Variants in ENTREP2 observed in about 807,000 individuals in gnomAD.
ENTREP2 encodes the protein endosomal transmembrane epsin interactor 2, also known as protein ENTREP2.
chr15:29,456,968 T>C, the ENTREP2 span, among the ~76,000 whole-genome samples: 1 of 152,226 alleles, frequency 6.6e-6, no homozygotes, highest in African/African-American at 2.4e-5. Context: ...GGTCTGGTCT[T>C]CAAGAGAAAT....
chr15:29,469,134 G>A, the ENTREP2 span, among the ~76,000 whole-genome samples: 1 of 152,174 alleles, frequency 6.6e-6, no homozygotes, highest in Non-Finnish European at 1.5e-5. Flanking sequence ...AGGACATGGT[G>A]CTGAGGGAAA....
At chr15:29,589,294 A>G in the ENTREP2 span, among the ~76,000 whole-genome samples, 1 of 152,158 alleles carries the variant, frequency 6.6e-6, no homozygotes, top group Admixed American at 6.5e-5. Context: ...TCTTTCCATA[A>G]AAAGGTTTTT....
At chr15:29,591,167 A>T in the ENTREP2 span, among the ~76,000 whole-genome samples, 1 of 152,220 alleles carries the variant, frequency 6.6e-6, no homozygotes, top group Non-Finnish European at 1.5e-5. Context: ...CTTCTGGGAG[A>T]TGCTGTGGCA....
the ENTREP2 span, among the ~76,000 whole-genome samples, chr15:29,575,382 A>G: frequency 6.6e-6 from 1 of 152,202 alleles, no homozygotes; most frequent in African/African-American, 2.4e-5. Flanking sequence ...CATTTATGAA[A>G]GACCCACCAC....
At chr15:29,186,277 T>C in the ENTREP2 span, among the ~76,000 whole-genome samples, 10 of 152,200 alleles carry the variant, frequency 6.6e-5, no homozygotes, top group Non-Finnish European at 1.5e-4. Context: ...CTCTCTGTAG[T>C]TCCTTTTATC....
the ENTREP2 span, among the ~76,000 whole-genome samples, chr15:29,305,424 C>T: frequency 0.13 from 19,226 of 152,112 alleles, 1,635 homozygotes; most frequent in African/African-American, 0.24. Context: ...GCAGGAGTAG[C>T]GCCAGGGAGA....
the ENTREP2 span, among the ~76,000 whole-genome samples, chr15:29,157,123 C>A: frequency 1.3e-5 from 2 of 151,990 alleles, no homozygotes; most frequent in South Asian, 4.2e-4. Context: ...AAATAAAACA[C>A]CTGAAGTGGT....
At chr15:29,438,615 AC>A in the ENTREP2 span, among the ~76,000 whole-genome samples, 1 of 151,894 alleles carries the variant, frequency 6.6e-6, no homozygotes, top group Non-Finnish European at 1.5e-5. Context: ...CGGCCCCTGT[AC>A]CTGAATCCCC....
the ENTREP2 span, among the ~76,000 whole-genome samples, chr15:29,535,866 G>A: frequency 6.6e-6 from 1 of 151,954 alleles, no homozygotes; most frequent in African/African-American, 2.4e-5. Flanking sequence ...CTGACAGTGT[G>A]AGAACCACTG....
the ENTREP2 span, among the ~76,000 whole-genome samples, chr15:29,425,444 G>T: frequency 1.6e-4 from 25 of 152,290 alleles, no homozygotes; most frequent in East Asian, 4.8e-3. Flanking sequence ...CTTGGCCACT[G>T]CCAGATAGCT....
chr15:29,346,447 C>T, the ENTREP2 span, among the ~76,000 whole-genome samples: 4 of 151,702 alleles, frequency 2.6e-5, no homozygotes, highest in African/African-American at 7.3e-5. Flanking sequence ...TCAGCCCCAC[C>T]CCAAGACAGT....
chr15:29,251,471 C>T, the ENTREP2 span, among the ~76,000 whole-genome samples: 77,009 of 152,122 alleles, frequency 0.51, 20,989 homozygotes, highest in South Asian at 0.62. Flanking sequence ...CAGCCCAGGA[C>T]GGCTTCGAAT....
At chr15:29,433,018 T>C in the ENTREP2 span, among the ~76,000 whole-genome samples, 1 of 152,174 alleles carries the variant, frequency 6.6e-6, no homozygotes. Context: ...AAGTTCTCCA[T>C]GAGCATAAGA....
the ENTREP2 span, among the ~76,000 whole-genome samples, chr15:29,359,337 G>T: frequency 6.6e-6 from 1 of 152,128 alleles, no homozygotes; most frequent in Non-Finnish European, 1.5e-5. Context: ...TTTTGGTGAG[G>T]ATATCACACG....
At chr15:29,296,039 CT>C in the ENTREP2 span, among the ~76,000 whole-genome samples, 1 of 152,170 alleles carries the variant, frequency 6.6e-6, no homozygotes, top group African/African-American at 2.4e-5. Context: ...CTGACCTCCC[CT>C]GAGCAAGGAG....
the ENTREP2 span, among the ~76,000 whole-genome samples, chr15:29,548,397 G>A: frequency 6.7e-6 from 1 of 148,696 alleles, no homozygotes; most frequent in Non-Finnish European, 1.5e-5. Context: ...CAGAGGTGCA[G>A]TGAGCTGAGA....
the ENTREP2 span, among the ~76,000 whole-genome samples, chr15:29,440,788 G>A: frequency 6.6e-6 from 1 of 152,036 alleles, no homozygotes; most frequent in Non-Finnish European, 1.5e-5. Context: ...CAGCACCACT[G>A]GCTCCTCCAG....
the ENTREP2 span, among the ~76,000 whole-genome samples, chr15:29,508,221 GACCAATA>G: frequency 5.3e-5 from 8 of 152,134 alleles, no homozygotes; most frequent in Admixed American, 3.3e-4. Flanking sequence ...TCCCTGAATA[GACCAATA>G]ACAAGTTCTG....
the ENTREP2 span, among the ~76,000 whole-genome samples, chr15:29,598,018 G>A: frequency 6.6e-6 from 1 of 152,116 alleles, no homozygotes; most frequent in African/African-American, 2.4e-5. Flanking sequence ...AGATACTAAG[G>A]AGGCTGAGGA....
Sources: allele counts gnomAD v4.1 joint callset (sites outside exome capture counted in the v4.1 genomes callset), GRCh38; gene constraint gnomAD v4.1.1; transcripts MANE v1.5; gene names NCBI Gene and HGNC (gene_info 2026-07-23, HGNC 2026-07-21).